Variants in F8 observed in about 807,000 individuals in gnomAD.
F8 encodes antihemophilic factor.
Under a neutral mutation model 140.6 loss-of-function variants are expected in F8, and 12 were observed. That is an observed-to-expected ratio of 0.09 (90% CI 0.05 to 0.14). The LOEUF (loss-of-function observed/expected upper bound fraction) is 0.14. F8 is among the 10% of genes least tolerant of loss of function. F8 has a pLI of 1.00. For synonymous variants in F8, 585 were observed against 614.6 expected (o/e 0.95, Z 0.71); for missense variants, 1,354 against 1,720.7 (o/e 0.79, Z 3.77).
intron 13 of F8, among the ~76,000 whole-genome samples, chrX:154,940,865 AT>A (rs1162080820): frequency 2.7e-5 from 3 of 112,242 alleles, no homozygotes; most frequent in Non-Finnish European, 5.6e-5. Flanking sequence ...AACATTCAAC[AT>A]TCTTAAAGAA....
In F8 at chrX:154,929,173, G is replaced by A. The variant is rs782222287; in HGVS notation, c.4617C>T (p.Leu1539=). The A allele has an allele frequency of 8.3e-7, 1 of 1,211,570 alleles. No individual in the cohort carries two copies. Among genetic ancestry groups the A allele is most frequent in the East Asian group, 3.0e-5 (1 of 33,853 alleles). Residue 1539 remains leucine, a synonymous_variant, in exon 14 of 26, where the codon CTC becomes CTT. Coordinates refer to ENST00000360256, the MANE Select transcript of F8 (RefSeq NM_000132.4). ...TTCCCTGAAGAAGGCTCCCTTCCAC[G>A]AGATCCAGATGGCCAGGAGACCCAT... The part of the protein sequence containing the change: ...TSNGSPGHLD[L]VEGSLLQGTE...
chrX:154,926,249 T>G (rs1459868494), intron 14 of F8, among the ~76,000 whole-genome samples: 5 of 112,168 alleles, frequency 4.5e-5, no homozygotes, highest in Non-Finnish European at 7.5e-5. Context: ...CAGTCTCAGG[T>G]ATGTCTTTAT....
intron 25 of F8, among the ~76,000 whole-genome samples, chrX:154,839,968 G>T (rs2072507786): frequency 8.9e-6 from 1 of 112,363 alleles, no homozygotes; most frequent in Admixed American, 9.4e-5. Flanking sequence ...TTTTACAAAT[G>T]TTTACGCTGT....
At chrX:155,019,309 A>G (rs1404509827) in intron 1 of F8, among the ~76,000 whole-genome samples, 2 of 112,417 alleles carry the variant, frequency 1.8e-5, no homozygotes, top group African/African-American at 6.5e-5. Flanking sequence ...TTTCATTGTT[A>G]TTATTTAACA....
intron 13 of F8, among the ~76,000 whole-genome samples, chrX:154,934,378 C>T (rs1471976071): frequency 8.9e-6 from 1 of 111,798 alleles, no homozygotes; most frequent in African/African-American, 3.2e-5. Context: ...GCATGAACCA[C>T]TGTGCCTGGC....
Position 154,997,006 on chromosome X carries a change from C to G in F8, c.355G>C (p.Ala119Pro), listed in dbSNP as rs2073620712. ...NMASHPVSLH[A>P]VGVSYWKASE... ...GCTTTCCAGTAGGATACACCAACAGCATGAAGACTGACAGGATGGGAAGCC... is the reference window on the plus strand; with the variant it reads ...GCTTTCCAGTAGGATACACCAACAGGATGAAGACTGACAGGATGGGAAGCC... Residue 119 changes from alanine to proline, a missense_variant, in exon 3 of 26, where the codon GCT becomes CCT. Ala to Pro is a conservative substitution (Grantham distance 27). Transcript: ENST00000360256. 8.3e-7 allele frequency: 1 copy of G among 1,211,135 alleles called. No homozygotes were observed. Among genetic ancestry groups the G allele is most frequent in the Non-Finnish European group, 1.1e-6 (1 of 895,031 alleles).
Position 154,836,388 on chromosome X carries a change from C to A in F8, c.*1209G>T, listed in dbSNP as rs1557270877. 9.0e-6 allele frequency: 1 copy of A among 111,212 alleles called. No individual in the cohort carries two copies. Among genetic ancestry groups the A allele is most frequent in the Non-Finnish European group, 1.9e-5 (1 of 53,076 alleles). The allele number at this position is 111,212 out of a possible 1,213,427, so 9.2% of individuals were successfully genotyped here. On this transcript the variant is annotated 3_prime_UTR_variant, in exon 26 of 26. Coordinates refer to ENST00000360256, the MANE Select transcript of F8 (RefSeq NM_000132.4). ...GATGGAAGGAGCAGTAAACCCTTCA[C>A]AATCTTATGGGGGTGGAGGGCAAGA...
At chrX:154,933,892 T>C (rs1298369081) in intron 13 of F8, among the ~76,000 whole-genome samples, 1 of 112,180 alleles carries the variant, frequency 8.9e-6, no homozygotes, top group Non-Finnish European at 1.9e-5. Context: ...AGAATAATTA[T>C]AAGAAAACTT....
rs140453302 is a variant in F8, at chrX:154,958,428, C to A, written c.1538-1257G>T. Among the ~76,000 whole-genome samples the A allele has an allele frequency of 5.4e-3, 600 of 111,658 alleles. 7 individuals are homozygous for A. The highest frequency in any genetic ancestry group is 0.019 in the African/African-American group (572 of 30,689). On this transcript the variant is annotated intron_variant, in intron 10 of 25. Coordinates refer to ENST00000360256, the MANE Select transcript of F8 (RefSeq NM_000132.4). The stretch of plus-strand genomic sequence containing the variant: ...CACTCTTGCCCTCTCTTCTTGCCCA[C>A]TATTATGGGCATTACAGCCTTCAAA...
intron 25 of F8, among the ~76,000 whole-genome samples, chrX:154,853,490 A>T (rs781825839): frequency 9.0e-6 from 1 of 111,233 alleles, no homozygotes; most frequent in Non-Finnish European, 1.9e-5. Context: ...GTTGTCTTGC[A>T]TGTTTGCTGA....
chrX:154,894,833 G>T (rs782244237), intron 22 of F8, among the ~76,000 whole-genome samples: 26 of 109,241 alleles, frequency 2.4e-4, no homozygotes, highest in African/African-American at 7.7e-4. Flanking sequence ...AACAACCCCA[G>T]ATTCTGTCCT....
intron 25 of F8, 83 bp from the exon 26 acceptor site, chrX:154,837,835 T>C: frequency 5.2e-6 from 5 of 954,554 alleles, no homozygotes; most frequent in Non-Finnish European, 7.5e-6. Context: ...TCACTTCTAG[T>C]TGTTTCCAGT....
intron 14 of F8, chrX:154,919,556 TG>T: frequency 1.4e-6 from 1 of 734,704 alleles, no homozygotes; most frequent in Non-Finnish European, 1.9e-6. Flanking sequence ...CACTCAATCC[TG>T]GCAGACTCTC....
At chrX:154,921,267 C>T (rs1313976678) in intron 14 of F8, among the ~76,000 whole-genome samples, 1 of 111,944 alleles carries the variant, frequency 8.9e-6, no homozygotes, top group African/African-American at 3.3e-5. Context: ...AGCCAAAAGA[C>T]ACATGAAAAT....
intron 13 of F8, among the ~76,000 whole-genome samples, chrX:154,937,952 G>C (rs1222270227): frequency 9.0e-6 from 1 of 111,274 alleles, no homozygotes; most frequent in Non-Finnish European, 1.9e-5. Flanking sequence ...AAATCAAAGA[G>C]AGCAAAGTTG....
intron 25 of F8, 134 bp from the exon 26 acceptor site, chrX:154,837,886 T>C: frequency 1.6e-6 from 1 of 618,250 alleles, no homozygotes; most frequent in Middle Eastern, 3.6e-4. Flanking sequence ...GATGACTCTG[T>C]CCTACGCATC....
At chrX:154,973,556 C>A (rs2073469429) in intron 6 of F8, among the ~76,000 whole-genome samples, 2 of 111,967 alleles carry the variant, frequency 1.8e-5, no homozygotes, top group African/African-American at 6.5e-5. Context: ...TCTTTCACTT[C>A]CTTGGTTAAT....
In F8 at chrX:154,966,053, T is replaced by C. The variant is rs1557281953; in HGVS notation, c.1360A>G (p.Thr454Ala). The change falls in exon 9 of 26, where the codon ACC (threonine) becomes GCC (alanine). Residue 454 changes from threonine (T) to alanine (A), a missense_variant. By Grantham distance (58) the Thr-to-Ala change is moderately conservative. Around this residue, in one of 4 missense-constraint regions of F8, gnomAD observed 252 missense variants for 338.5 expected, o/e 0.74. Coordinates refer to ENST00000360256, the MANE Select transcript of F8 (RefSeq NM_000132.4). ...KVRFMAYTDE[T>A]FKTREAIQHE... Reference sequence around the variant, plus strand: ...TGAATAGCTTCACGAGTCTTAAAGGTTTCATCTGTGTATGCCATAAATCGG... The same window carrying C: ...TGAATAGCTTCACGAGTCTTAAAGGCTTCATCTGTGTATGCCATAAATCGG... 8.3e-7 allele frequency: 1 copy of C among 1,210,677 alleles called. No homozygotes were observed. The highest frequency in any genetic ancestry group is 2.2e-5 in the Admixed American group (1 of 45,988).
chrX:155,003,886 A>G (rs1363712425), intron 1 of F8, among the ~76,000 whole-genome samples: 1 of 106,088 alleles, frequency 9.4e-6, no homozygotes, highest in Non-Finnish European at 1.9e-5. Context: ...GCGTGAACCC[A>G]AGAGGTGGAG....
Sources: allele counts gnomAD v4.1 joint callset (sites outside exome capture counted in the v4.1 genomes callset), GRCh38; gene constraint gnomAD v4.1.1; regional missense constraint gnomAD v4.1.1; transcripts MANE v1.5; gene names NCBI Gene and HGNC (gene_info 2026-07-23, HGNC 2026-07-21).